Variants in HELLS observed in about 807,000 individuals in gnomAD.
HELLS encodes the protein helicase, lymphoid specific.
A neutral mutation model predicts 120.0 loss-of-function variants in HELLS; 32 were observed. That is an observed-to-expected ratio of 0.27 (90% confidence interval 0.20 to 0.36). HELLS has a LOEUF of 0.36. Ranked by LOEUF, HELLS falls within the 10% of genes least tolerant of loss-of-function variation. HELLS has a pLI of 1.00. For synonymous variants in HELLS, 341 were observed against 323.4 expected (o/e 1.05, Z -0.58); for missense variants, 650 against 993.4 (o/e 0.65, Z 4.65).
intron 9 of HELLS, among the ~76,000 whole-genome samples, chr10:94,575,771 TTGTGTGTGTGTGTGTGTGTGTG>T (rs71031588): frequency 1.7e-4 from 21 of 122,826 alleles, no homozygotes; most frequent in Middle Eastern, 4.3e-3. Flanking sequence ...GGGGTTGTGT[TTGTGTGTGTGTGTGTGTGTGTG>T]TGTGTGTGTG....
chr10:94,573,122 G>A (rs1844260943), intron 7 of HELLS, among the ~76,000 whole-genome samples: 1 of 146,060 alleles, frequency 6.8e-6, no homozygotes, highest in African/African-American at 2.5e-5. Context: ...ACCATGTTCA[G>A]CTAATTTTTG....
At position 94,590,750 on chromosome 10, in the gene HELLS, A is replaced by C; in HGVS notation, c.1741A>C (p.Ile581Leu). Residue 581 changes from isoleucine (I) to leucine (L), a missense_variant, in exon 15 of 22, where the codon ATA becomes CTA. This residue lies in a region of HELLS where 191 missense variants were observed against 259.7 expected (regional missense o/e 0.74). Coordinates refer to ENST00000348459, the MANE Select transcript of HELLS (RefSeq NM_018063.5). ...TCATCCATATTTGATTGAATATCCT[A>C]TAGACCCTGTTACACAAGAATTTAA... ...CNHPYLIEYP[I>L]DPVTQEFKID... The C allele has an allele frequency of 2.6e-6, 4 of 1,558,830 alleles. No individual in the cohort carries two copies. The highest frequency in any genetic ancestry group is 3.5e-6 in the Non-Finnish European group (4 of 1,137,980).
chr10:94,575,287 C>T (rs1411008384), intron 9 of HELLS, among the ~76,000 whole-genome samples: 1 of 151,388 alleles, frequency 6.6e-6, no homozygotes, highest in African/African-American at 2.4e-5. Context: ...TTAGTAGAGA[C>T]GATGTCTTGC....
intron 12 of HELLS, chr10:94,584,231 G>C: frequency 4.9e-6 from 2 of 412,074 alleles, no homozygotes; most frequent in Non-Finnish European, 8.4e-6. Flanking sequence ...TCCAACATGT[G>C]TTGGAATATT....
chr10:94,605,923 C>T (rs569970606), downstream of HELLS, among the ~76,000 whole-genome samples: 46 of 152,128 alleles, frequency 3.0e-4, no homozygotes, highest in Non-Finnish European at 5.4e-4. Flanking sequence ...TGAGCTCCTG[C>T]ACCTGGCCCG....
Position 94,588,292 on chromosome 10 carries a change from C to G in HELLS, c.1390C>G (p.Arg464Gly). The G allele has an allele frequency of 6.2e-7, 1 of 1,611,172 alleles. No individual in the cohort carries two copies. Among genetic ancestry groups the G allele is most frequent in the East Asian group, 2.2e-5 (1 of 44,844 alleles). ...SDVALEVPPK[R>G]EVVVYAPLSK... ...TGTTGCTCTTGAAGTTCCTCCTAAA[C>G]GAGAAGTAGTCGTTTATGCTCCACT... Residue 464 changes from arginine to glycine, a missense_variant, in exon 13 of 22, where the codon CGA becomes GGA. Around this residue, in one of 9 missense-constraint regions of HELLS, gnomAD observed 191 missense variants for 259.7 expected, o/e 0.74. Transcript: ENST00000348459.
At chr10:94,557,353 A>G (rs1843322487) in intron 3 of HELLS, among the ~76,000 whole-genome samples, 1 of 152,228 alleles carries the variant, frequency 6.6e-6, no homozygotes, top group Non-Finnish European at 1.5e-5. Context: ...AAACAAATGG[A>G]AAAACAAATA....
At chr10:94,578,070 C>CA (rs58732872) in intron 10 of HELLS, among the ~76,000 whole-genome samples, 860 of 60,726 alleles carry the variant, frequency 0.014, 30 homozygotes, top group Non-Finnish European at 0.019. Context: ...GACTCCGTCT[C>CA]AAAAAAAAAA....
chr10:94,592,961 G>GT (rs1388262238), intron 17 of HELLS, among the ~76,000 whole-genome samples: 1 of 151,954 alleles, frequency 6.6e-6, no homozygotes, highest in Non-Finnish European at 1.5e-5. Context: ...TTTAATCCTG[G>GT]TTTTTTGGTG....
intron 2 of HELLS, among the ~76,000 whole-genome samples, chr10:94,551,745 CTT>C (rs909997838): frequency 2.1e-5 from 3 of 143,158 alleles, no homozygotes; most frequent in Non-Finnish European, 1.5e-5. Flanking sequence ...CATTTCTTTT[CTT>C]TTTTTTTTTT....
intron 3 of HELLS, among the ~76,000 whole-genome samples, chr10:94,555,309 T>G (rs1027653702): frequency 6.6e-6 from 1 of 152,090 alleles, no homozygotes; most frequent in Non-Finnish European, 1.5e-5. Context: ...TGGTGGTGTG[T>G]GCCTGTAAGC....
At chr10:94,564,904 T>C (rs770764197) in intron 6 of HELLS, among the ~76,000 whole-genome samples, 10 of 152,010 alleles carry the variant, frequency 6.6e-5, no homozygotes, top group Admixed American at 3.9e-4. Context: ...CACATTCTTA[T>C]ATTTAAAAAA....
intron 13 of HELLS, among the ~76,000 whole-genome samples, 180 bp downstream of exon 13, chr10:94,588,570 G>A (rs1396446684): frequency 6.6e-6 from 1 of 152,046 alleles, no homozygotes; most frequent in Non-Finnish European, 1.5e-5. Context: ...TGTAGAGACT[G>A]GCATTTCGCC....
chr10:94,588,668 A>G (rs1445862028), intron 13 of HELLS, among the ~76,000 whole-genome samples: 2 of 152,120 alleles, frequency 1.3e-5, no homozygotes, highest in Non-Finnish European at 2.9e-5. Context: ...GGTTTTAGCA[A>G]TTGTGCCTGG....
At chr10:94,605,072 T>TCCCCCC (rs3054948), downstream of HELLS, among the ~76,000 whole-genome samples, 7 of 66,832 alleles carry the variant, frequency 1.0e-4, 2 homozygotes, top group African/African-American at 3.8e-4. Flanking sequence ...GTCTTGTGTC[T>TCCCCCC]CCCCCCCCCC....
At chr10:94,609,011 C>CTTTTTTTTTTT (rs71031590) in intron 9 of HELLS, among the ~76,000 whole-genome samples, 4 of 68,236 alleles carry the variant, frequency 5.9e-5, no homozygotes, top group African/African-American at 2.3e-4. Context: ...GTATCCACCT[C>CTTTTTTTTTTT]TTTTTTTTTT....
At chr10:94,564,046 G>A (rs1843676911) in intron 6 of HELLS, among the ~76,000 whole-genome samples, 1 of 152,106 alleles carries the variant, frequency 6.6e-6, no homozygotes, top group Non-Finnish European at 1.5e-5. Context: ...CTGACCTCAG[G>A]GGATCCACCC....
intron 2 of HELLS, among the ~76,000 whole-genome samples, chr10:94,548,154 A>G (rs1233709454): frequency 6.6e-6 from 1 of 152,168 alleles, no homozygotes; most frequent in Non-Finnish European, 1.5e-5. Context: ...TTGTTTTTGT[A>G]GGCTTTGCAC....
exon 10 of HELLS, chr10:94,611,158 T>G (rs1355910839): frequency 6.6e-6 from 1 of 152,188 alleles, no homozygotes; most frequent in Non-Finnish European, 1.5e-5. Context: ...TTTTGTACTC[T>G]TAGTTTTATA....
Sources: allele counts gnomAD v4.1 joint callset (sites outside exome capture counted in the v4.1 genomes callset), GRCh38; gene constraint gnomAD v4.1.1; regional missense constraint gnomAD v4.1.1; transcripts MANE v1.5; gene names NCBI Gene and HGNC (gene_info 2026-07-23, HGNC 2026-07-21).